The following SLIT2 variants were observed in gnomAD, a reference collection of about 807,000 sequenced individuals.
The protein encoded by SLIT2 is slit guidance ligand 2.
In SLIT2, 41 loss-of-function variants were observed where a neutral mutation model predicts 185.7. The ratio of observed to expected loss-of-function variants is 0.22; its 90% CI spans 0.17 to 0.29. The LOEUF (loss-of-function observed/expected upper bound fraction) is 0.29, where lower values mean the gene tolerates loss of function less well. SLIT2 is among the 10% of genes least tolerant of loss of function. The pLI is 1.00. For synonymous variants in SLIT2, 693 were observed against 680.2 expected, an observed-to-expected ratio of 1.02 and a Z score of -0.29; for missense variants, 1,571 against 1,909.0, an observed-to-expected ratio of 0.82 and a Z score of 3.30.
At chr4:20,498,435 T>C (rs543424682) in intron 9 of SLIT2, among the ~76,000 whole-genome samples, 9 of 152,332 alleles carry the variant, frequency 5.9e-5, no homozygotes, top group African/African-American at 1.9e-4. Context: ...TAATAGCAAA[T>C]TGATTCTGAC....
intron 25 of SLIT2, among the ~76,000 whole-genome samples, chr4:20,552,170 C>T (rs1295440733): frequency 6.6e-6 from 1 of 152,076 alleles, no homozygotes; most frequent in Non-Finnish European, 1.5e-5. Context: ...GCTGTGGTGC[C>T]CTCAGGCAGA....
At chr4:20,574,351 CAT>C (rs1725889564) in intron 29 of SLIT2, among the ~76,000 whole-genome samples, 1 of 152,244 alleles carries the variant, frequency 6.6e-6, no homozygotes, top group East Asian at 1.9e-4. Context: ...TAACTAATTA[CAT>C]TGGATTTTTA....
intron 4 of SLIT2, among the ~76,000 whole-genome samples, chr4:20,337,617 T>G (rs746518932): frequency 6.6e-6 from 1 of 152,148 alleles, no homozygotes; most frequent in Non-Finnish European, 1.5e-5. Context: ...GACTGAAACT[T>G]AGATAACTTG....
chr4:20,380,685 G>C (rs1403340430), intron 4 of SLIT2, among the ~76,000 whole-genome samples: 1 of 151,956 alleles, frequency 6.6e-6, no homozygotes, highest in Non-Finnish European at 1.5e-5. Context: ...GAAAAAGTTA[G>C]TGACTTGAAG....
At chr4:20,294,348 CAA>C (rs34046519) in intron 4 of SLIT2, among the ~76,000 whole-genome samples, 15 of 123,428 alleles carry the variant, frequency 1.2e-4, no homozygotes, top group Non-Finnish European at 1.2e-4. Flanking sequence ...GACTCTGTCT[CAA>C]AAAAAAAAAA....
At chr4:20,308,488 A>G (rs982054654) in intron 4 of SLIT2, among the ~76,000 whole-genome samples, 1 of 152,192 alleles carries the variant, frequency 6.6e-6, no homozygotes, top group African/African-American at 2.4e-5. Flanking sequence ...AGAAAGCATG[A>G]GCTTTGAAGT....
intron 5 of SLIT2, among the ~76,000 whole-genome samples, chr4:20,470,994 T>C (rs940413102): frequency 1.3e-5 from 2 of 152,176 alleles, no homozygotes; most frequent in African/African-American, 4.8e-5. Flanking sequence ...CTTATGTTTC[T>C]ACAGAAGAAA....
chr4:20,510,920 C>G, intron 10 of SLIT2, 146 bp from the exon 11 acceptor site: 5 of 536,908 alleles, frequency 9.3e-6, no homozygotes, highest in Non-Finnish European at 1.7e-5. Flanking sequence ...TTTTAAATTT[C>G]TGATCCTTCA....
intron 4 of SLIT2, among the ~76,000 whole-genome samples, chr4:20,274,581 T>C (rs1713970691): frequency 6.6e-6 from 1 of 152,188 alleles, no homozygotes; most frequent in Admixed American, 6.5e-5. Flanking sequence ...TTGATGGTTT[T>C]TACTTCAAAG....
intron 5 of SLIT2, among the ~76,000 whole-genome samples, chr4:20,468,675 A>G (rs1280514057): frequency 6.6e-6 from 1 of 152,144 alleles, no homozygotes; most frequent in Non-Finnish European, 1.5e-5. Flanking sequence ...TATGAATCCT[A>G]GGACATAAAT....
At chr4:20,401,882 T>C (rs1268178791) in intron 4 of SLIT2, among the ~76,000 whole-genome samples, 1 of 151,922 alleles carries the variant, frequency 6.6e-6, no homozygotes, top group Non-Finnish European at 1.5e-5. Flanking sequence ...TTTATAAAAA[T>C]TATTGTTTTA....
intron 10 of SLIT2, 76 bp downstream of exon 10, chr4:20,510,642 G>A (rs1475113877): frequency 1.1e-6 from 1 of 880,410 alleles, no homozygotes; most frequent in African/African-American, 1.7e-5. Flanking sequence ...AGAAACTTAA[G>A]TATGAGTATA....
At chr4:20,540,833 A>T (rs1722744443) in intron 19 of SLIT2, among the ~76,000 whole-genome samples, 1 of 152,210 alleles carries the variant, frequency 6.6e-6, no homozygotes, top group East Asian at 1.9e-4. Context: ...TGGCATGTTT[A>T]TAAATAATGA....
intron 11 of SLIT2, among the ~76,000 whole-genome samples, chr4:20,514,469 C>T (rs112507437): frequency 0.072 from 10,908 of 151,950 alleles, 701 homozygotes; most frequent in African/African-American, 0.17. Flanking sequence ...GGTGAAACCC[C>T]GTCTCTACTG....
chr4:20,568,909 A>G lies in SLIT2; in HGVS notation c.2993A>G (p.Asn998Ser), dbSNP rs757300419. The change falls in exon 29 of 37, where the codon AAC becomes AGC. Residue 998 changes from asparagine (N) to serine (S), a missense_variant. By Grantham distance (46) the Asn-to-Ser change is conservative. Coordinates refer to ENST00000504154, the MANE Select transcript of SLIT2 (RefSeq NM_004787.4). ...TTTGAAGGAGAAAATTGTGAAGTCA[A>G]CGTTGATGATTGTGAAGATAATGAC... ...DGFEGENCEV[N>S]VDDCEDNDCE... 2.5e-5 allele frequency: 41 copies of G among 1,612,372 alleles called. No homozygotes were observed. Among genetic ancestry groups the G allele is most frequent in the Admixed American group, 8.3e-5 (5 of 59,946 alleles).
chr4:20,390,249 G>C (rs918824226), intron 4 of SLIT2, among the ~76,000 whole-genome samples: 7 of 152,092 alleles, frequency 4.6e-5, no homozygotes, highest in Admixed American at 2.0e-4. Context: ...TGATGGAAAT[G>C]TAAAATATTG....
At chr4:20,472,386 G>GATATATAGATATCTATATATCTATATA (rs1560453735) in intron 5 of SLIT2, among the ~76,000 whole-genome samples, 18 of 38,392 alleles carry the variant, frequency 4.7e-4, no homozygotes, top group Admixed American at 1.8e-3. Flanking sequence ...CTATATATAT[G>GATATATAGATATCTATATATCTATATA]TAGATATATA....
intron 4 of SLIT2, among the ~76,000 whole-genome samples, chr4:20,307,152 CTCCCTCCCTCCT>C (rs1378645164): frequency 6.0e-5 from 1 of 16,692 alleles, no homozygotes; most frequent in African/African-American, 2.0e-4. Context: ...CCCTCCCTCC[CTCCCTCCCTCCT>C]TCCTTCCTTC....
intron 34 of SLIT2, among the ~76,000 whole-genome samples, chr4:20,610,627 G>A (rs1263741282): frequency 1.3e-5 from 2 of 152,200 alleles, no homozygotes; most frequent in African/African-American, 4.8e-5. Flanking sequence ...ATGTTACCAT[G>A]CTGGAGCTTC....
Sources: gnomAD v4.1 joint callset for allele counts (sites outside exome capture counted in the v4.1 genomes callset) on GRCh38, gnomAD v4.1.1 for gene constraint, MANE v1.5 for transcripts, NCBI Gene and HGNC (gene_info 2026-07-23, HGNC 2026-07-21) for gene names.